The following WNT7A variants were observed in gnomAD, a reference collection of about 807,000 sequenced individuals.
WNT7A encodes the protein protein Wnt-7a.
In WNT7A, 16 loss-of-function variants were observed where a neutral mutation model predicts 28.2. That is an observed-to-expected ratio of 0.57 (90% CI 0.38 to 0.86). WNT7A has a LOEUF of 0.86. Ranked by LOEUF, WNT7A falls within the 40% of genes least tolerant of loss-of-function variation. The probability of loss-of-function intolerance (pLI) is 0.00; values close to 1 mark genes in which losing one functional copy is unlikely to be tolerated. For missense variants in WNT7A, 411 were observed against 489.7 expected, an observed-to-expected ratio of 0.84 and a Z score of 1.52; for synonymous variants, 190 against 195.9, an observed-to-expected ratio of 0.97 and a Z score of 0.25.
intron 2 of WNT7A, among the ~76,000 whole-genome samples, chr3:13,856,737 G>A (rs1694735406): frequency 6.6e-6 from 1 of 152,022 alleles, no homozygotes; most frequent in African/African-American, 2.4e-5. Context: ...AGAATTGCTT[G>A]AACCTGGGAG....
chr3:13,819,567 G>T, intron 3 of WNT7A, 144 bp from the exon 4 acceptor site: 1 of 1,203,734 alleles, frequency 8.3e-7, no homozygotes. Context: ...AGGAAACTCA[G>T]ACCTGGATTC....
rs1264509499 is a variant in WNT7A, at chr3:13,816,747, A to G, written c.*2197T>C. On this transcript the variant is annotated 3_prime_UTR_variant, in exon 4 of 4. Coordinates refer to ENST00000285018, the MANE Select transcript of WNT7A (RefSeq NM_004625.4). ...CATCCATTCATCCGCTCACTTATCA[A>G]TCCATCCACCCATCTGTTTATCCCT... 4 of 151,944 alleles carry G rather than the reference A, an allele frequency of 2.6e-5. No individual in the cohort carries two copies. Among genetic ancestry groups the G allele is most frequent in the Admixed American group, 2.0e-4 (3 of 15,252 alleles). 9.4% of individuals were successfully genotyped at this position (151,944 alleles called of 1,614,324 possible). A position where few individuals can be genotyped will look rare whatever the true frequency, so the allele number is the denominator to read the frequency against.
chr3:13,856,978 AAGAAGAAGG>A (rs139632258), intron 2 of WNT7A, among the ~76,000 whole-genome samples: 5,645 of 95,310 alleles, frequency 0.059, 195 homozygotes, highest in East Asian at 0.36. Context: ...GGAGAAGAAG[AAGAAGAAGG>A]AGAAGAAGAA....
rs994674836 is a variant in WNT7A, at chr3:13,856,942, A to G, written c.299-2139T>C. Among the ~76,000 whole-genome samples, 381 of 112,752 alleles carry G rather than the reference A, an allele frequency of 3.4e-3. 8 individuals are homozygous for G. Among genetic ancestry groups the G allele is most frequent in the African/African-American group, 0.014 (320 of 22,204 alleles). The allele number at this position is 112,752 out of a possible 152,430, so 74.0% of individuals were successfully genotyped here. A position where few individuals can be genotyped will look rare whatever the true frequency, so the allele number is the denominator to read the frequency against. On this transcript the variant is annotated intron_variant, in intron 2 of 3. Coordinates refer to ENST00000285018, the MANE Select transcript of WNT7A (RefSeq NM_004625.4). ...GAAGAAGAAGAAGAAGAAGAAGAAGAAGAAGAAGAAGAAGAAGAAGAAGAA... is the reference window on the plus strand; with the variant it reads ...GAAGAAGAAGAAGAAGAAGAAGAAGGAGAAGAAGAAGAAGAAGAAGAAGAA...
At chr3:13,872,943 C>T (rs10865715) in intron 2 of WNT7A, among the ~76,000 whole-genome samples, 75,384 of 151,936 alleles carry the variant, frequency 0.5, 19,863 homozygotes, top group East Asian at 0.77. Context: ...TCATCTATAA[C>T]ATCTTATATA....
rs1230033123 is a variant in WNT7A, at chr3:13,818,939, G to A, written c.*5C>T. 3.2e-6 allele frequency: 5 copies of A among 1,561,944 alleles called. No individual in the cohort carries two copies. The African/African-American group carries it at 4.0e-5, about 13-fold the overall frequency. On this transcript the variant is annotated 3_prime_UTR_variant, in exon 4 of 4. Transcript: ENST00000285018. The stretch of plus-strand genomic sequence containing the variant: ...TGCAGCGGGAGGGTGGTGTGCACAC[G>A]GGGCTCACTTGCACGTGTACATCTC...
chr3:13,863,420 A>G (rs9799181), intron 2 of WNT7A, among the ~76,000 whole-genome samples: 9 of 67,770 alleles, frequency 1.3e-4, no homozygotes, highest in Non-Finnish European at 9.5e-5. Context: ...GTATGTGTAT[A>G]TGTGTGTGTG....
intron 3 of WNT7A, among the ~76,000 whole-genome samples, chr3:13,819,731 C>A (rs1358131483): frequency 1.3e-5 from 2 of 152,192 alleles, no homozygotes; most frequent in East Asian, 3.9e-4. Flanking sequence ...ATTGCTCACA[C>A]ATGCACAAAG....
At chr3:13,861,999 G>T (rs1055096273) in intron 2 of WNT7A, among the ~76,000 whole-genome samples, 1 of 152,150 alleles carries the variant, frequency 6.6e-6, no homozygotes, top group Admixed American at 6.5e-5. Context: ...CTTCAGCTCA[G>T]AACTCAGATA....
At chr3:13,857,594 C>T (rs1339298580) in intron 2 of WNT7A, among the ~76,000 whole-genome samples, 2 of 152,118 alleles carry the variant, frequency 1.3e-5, no homozygotes, top group African/African-American at 4.8e-5. Context: ...GCTCCAAGGG[C>T]TCCAAGGCAA....
intron 1 of WNT7A, among the ~76,000 whole-genome samples, chr3:13,879,097 G>T (rs73151668): frequency 0.14 from 21,227 of 152,280 alleles, 1,612 homozygotes; most frequent in Middle Eastern, 0.24. Context: ...CCACCTTTGT[G>T]TGTGTTTGTT....
At chr3:13,857,571 T>C (rs1287189536) in intron 2 of WNT7A, among the ~76,000 whole-genome samples, 1 of 152,022 alleles carries the variant, frequency 6.6e-6, no homozygotes, top group Non-Finnish European at 1.5e-5. Context: ...GGCTCAAATA[T>C]ATCCCCCTGC....
chr3:13,873,973 G>T (rs1012251292), intron 2 of WNT7A, among the ~76,000 whole-genome samples: 2 of 152,194 alleles, frequency 1.3e-5, no homozygotes, highest in African/African-American at 4.8e-5. Flanking sequence ...GCAGCGCAGT[G>T]ACATGATCTG....
At chr3:13,863,298 T>C (rs1694861454) in intron 2 of WNT7A, among the ~76,000 whole-genome samples, 1 of 152,206 alleles carries the variant, frequency 6.6e-6, no homozygotes, top group African/African-American at 2.4e-5. Flanking sequence ...TGTATTGAAT[T>C]GAATGATCAG....
intron 1 of WNT7A, chr3:13,877,173 G>C (rs1695122847): frequency 6.6e-6 from 1 of 152,248 alleles, no homozygotes; most frequent in Admixed American, 6.5e-5. Context: ...TATGTGCCAA[G>C]GCAGTATGGT....
intron 3 of WNT7A, among the ~76,000 whole-genome samples, chr3:13,837,251 C>G (rs1575063435): frequency 6.6e-6 from 1 of 152,172 alleles, no homozygotes; most frequent in Non-Finnish European, 1.5e-5. Context: ...TCCACAGCAG[C>G]TGATCCTTCT....
At chr3:13,858,581 T>C (rs536547908) in intron 2 of WNT7A, among the ~76,000 whole-genome samples, 3 of 152,120 alleles carry the variant, frequency 2.0e-5, no homozygotes, top group East Asian at 1.9e-4. Flanking sequence ...CCCCCCGAGC[T>C]CCAGATGGAG....
chr3:13,834,856 A>G (rs897702288), intron 3 of WNT7A, among the ~76,000 whole-genome samples: 2 of 152,144 alleles, frequency 1.3e-5, no homozygotes, highest in East Asian at 3.9e-4. Flanking sequence ...GTCTCCCTCC[A>G]GCATGTCAAC....
In WNT7A at chr3:13,819,168, T is replaced by C. The variant is rs751616587; in HGVS notation, c.826A>G (p.Asn276Asp). ...GTCACCGGGTCCTCCTCGCAGTAGT[T>C]GGGCGACTTCTCGATGTACACCAGG... ...TDLVYIEKSP[N>D]YCEEDPVTGS... The change falls in exon 4 of 4, where the codon AAC becomes GAC. Residue 276 changes from asparagine to aspartate, a missense_variant. Coordinates refer to ENST00000285018, the MANE Select transcript of WNT7A (RefSeq NM_004625.4). The C allele has an allele frequency of 6.2e-7, 1 of 1,614,230 alleles. No individual in the cohort carries two copies. The highest frequency in any genetic ancestry group is 8.5e-7 in the Non-Finnish European group (1 of 1,180,036).
Sources: gnomAD v4.1 joint callset for allele counts (sites outside exome capture counted in the v4.1 genomes callset) on GRCh38, gnomAD v4.1.1 for gene constraint, MANE v1.5 for transcripts, NCBI Gene and HGNC (gene_info 2026-07-23, HGNC 2026-07-21) for gene names.